Variants in DDX27 observed in about 807,000 individuals in gnomAD.
The protein encoded by DDX27 is DEAD-box helicase 27, also known as probable ATP-dependent RNA helicase DDX27.
Under a neutral mutation model 99.3 loss-of-function variants are expected in DDX27, and 42 were observed. That is an observed-to-expected ratio of 0.42 (90% CI 0.33 to 0.55). The LOEUF (loss-of-function observed/expected upper bound fraction) is 0.55. Ranked by LOEUF, DDX27 falls within the 20% of genes least tolerant of loss-of-function variation. DDX27 has a pLI of 0.07. For synonymous variants in DDX27, 329 were observed against 353.8 expected (o/e 0.93, Z 0.79); for missense variants, 798 against 976.8 (o/e 0.82, Z 2.44).
intron 2 of DDX27, 23 bp from the exon 3 acceptor site, chr20:49,222,934 C>T (rs1219332452): frequency 1.9e-6 from 3 of 1,573,468 alleles, no homozygotes; most frequent in Non-Finnish European, 2.6e-6. Context: ...ATTTCTTTTT[C>T]ACCTCTTTAT....
At chr20:49,228,601 A>G in intron 7 of DDX27, 114 bp from the exon 8 acceptor site, 2 of 1,060,512 alleles carry the variant, frequency 1.9e-6, no homozygotes, top group Non-Finnish European at 2.7e-6. Context: ...TCTATGAAAA[A>G]TAAGTTCCTT....
intron 16 of DDX27, among the ~76,000 whole-genome samples, chr20:49,241,358 A>C (rs553145124): frequency 4.6e-5 from 7 of 152,212 alleles, no homozygotes; most frequent in Non-Finnish European, 8.8e-5. Context: ...CTAAATCTTC[A>C]TCCTTCATAG....
At chr20:49,222,538 G>T (rs1979727468) in intron 2 of DDX27, among the ~76,000 whole-genome samples, 1 of 151,622 alleles carries the variant, frequency 6.6e-6, no homozygotes, top group Non-Finnish European at 1.5e-5. Flanking sequence ...TTTTGAGACG[G>T]AGTTTTGCTC....
At chr20:49,234,798 T>G in intron 11 of DDX27, 137 bp from the exon 12 acceptor site, 8 of 1,016,940 alleles carry the variant, frequency 7.9e-6, no homozygotes, top group Middle Eastern at 3.0e-4. Context: ...CACCCTGGAA[T>G]TTGAGTTCCA....
chr20:49,242,798 T>C, intron 19 of DDX27, 117 bp downstream of exon 19: 1 of 961,344 alleles, frequency 1.0e-6, no homozygotes, highest in Non-Finnish European at 1.6e-6. Context: ...CTTAGCTCAC[T>C]GCAAGCTCCA....
chr20:49,241,856 A>G, intron 16 of DDX27, 37 bp from the exon 17 acceptor site: 1 of 1,602,534 alleles, frequency 6.2e-7, no homozygotes, highest in Non-Finnish European at 8.5e-7. Flanking sequence ...AAAAGATAAA[A>G]TCATCCCTGA....
At chr20:49,243,469 G>A (rs1980548021) in intron 19 of DDX27, among the ~76,000 whole-genome samples, 160 bp from the exon 20 acceptor site, 2 of 152,132 alleles carry the variant, frequency 1.3e-5, no homozygotes, top group Admixed American at 6.6e-5. Context: ...CCAGAAACAC[G>A]TTATCAGGTG....
Position 49,225,125 on chromosome 20 carries a change from T to C in DDX27, c.526T>C (p.Phe176Leu). Reference protein sequence around the residue: ...KKKKGQEAGGFFEDASQYDEN... With the variant: ...KKKKGQEAGGLFEDASQYDEN... ...TTTTCTGGTGTAGGAAGCAGGAGGATTTTTTGAAGATGCATCTCAGTACGA... is the reference window on the plus strand; with the variant it reads ...TTTTCTGGTGTAGGAAGCAGGAGGACTTTTTGAAGATGCATCTCAGTACGA... Residue 176 changes from phenylalanine to leucine, a missense_variant, in exon 6 of 21, where the codon TTT (phenylalanine) becomes CTT (leucine). By Grantham distance (22) the Phe-to-Leu change is conservative. Transcript: ENST00000618172. The C allele has an allele frequency of 6.2e-7, 1 of 1,613,986 alleles. No homozygotes were observed. The highest frequency in any genetic ancestry group is 8.5e-7 in the Non-Finnish European group (1 of 1,179,868).
chr20:49,242,509 A>C (rs1159837748), intron 18 of DDX27, 85 bp from the exon 19 acceptor site: 10 of 1,337,090 alleles, frequency 7.5e-6, no homozygotes, highest in Non-Finnish European at 1.1e-5. Flanking sequence ...TATCCACTGA[A>C]CTTGGAATCA....
chr20:49,238,898 C>T, intron 14 of DDX27, 51 bp from the exon 15 acceptor site: 1 of 1,393,244 alleles, frequency 7.2e-7, no homozygotes, highest in South Asian at 1.2e-5. Context: ...TGTGAGCCAC[C>T]ATGCCTGGCC....
rs144620109 is a variant in DDX27, at chr20:49,231,786, C to T, written c.1031+1437C>T. ...AGCGTGAATGCAGGGCACAGCTGTG[C>T]CCAGCAGCGCTGTCCCCATGAGGAT... On this transcript the variant is annotated intron_variant, in intron 9 of 20. Coordinates refer to ENST00000618172, the MANE Select transcript of DDX27 (RefSeq NM_017895.8). Among the ~76,000 whole-genome samples the T allele has an allele frequency of 1.5e-3, 236 of 152,272 alleles. 1 individual carries two copies. Among genetic ancestry groups the T allele is most frequent in the South Asian group, 2.5e-3 (12 of 4,824 alleles).
In DDX27 at chr20:49,233,584, C is replaced by T. The variant is rs149835466; in HGVS notation, c.1148C>T (p.Ser383Phe). The T allele has an allele frequency of 1.1e-4, 177 of 1,613,270 alleles. No homozygotes were observed. In the African/African-American group the frequency reaches 2.2e-3, roughly 20 times the overall value. The change falls in exon 11 of 21, where the codon TCT becomes TTT. Residue 383 changes from serine to phenylalanine, a missense_variant. By Grantham distance (155) the Ser-to-Phe change is radical. Transcript: ENST00000618172. Reference protein sequence around the residue: ...TMTDEVKDLASVSLKNPVRIF... With the variant: ...TMTDEVKDLAFVSLKNPVRIF... ...GCTTGGCAGGTGAAAGATCTGGCTT[C>T]TGTCTCCTTGAAGAATCCTGTCCGG...
intron 6 of DDX27, among the ~76,000 whole-genome samples, chr20:49,225,519 A>C (rs1454728025): frequency 1.4e-5 from 2 of 140,098 alleles, no homozygotes; most frequent in African/African-American, 5.4e-5. Flanking sequence ...GCAGTGGCAC[A>C]ATCTCGGCTC....
rs143225093 is a variant in DDX27, at chr20:49,244,032, ATATGAC to A, written c.*202_*207del. The A allele has an allele frequency of 8.4e-3, 5,268 of 627,090 alleles. 208 individuals are homozygous for A. In the African/African-American group the frequency reaches 0.087, roughly 10 times the overall value. 38.8% of individuals were successfully genotyped at this position (627,090 alleles called of 1,614,324 possible). A position where few individuals can be genotyped will look rare whatever the true frequency, so the allele number is the denominator to read the frequency against. On this transcript the variant is annotated 3_prime_UTR_variant, in exon 21 of 21. Transcript: ENST00000618172. ...TCTCCCTTCTTGCTGATTAGCTTTC[ATATGAC>A]TATATTAAATGGAAGTATTTTTGGG...
intron 17 of DDX27, 36 bp from the exon 18 acceptor site, chr20:49,242,047 G>A: frequency 1.2e-6 from 2 of 1,614,172 alleles, no homozygotes; most frequent in Non-Finnish European, 1.7e-6. Flanking sequence ...GAGTGGCCTG[G>A]TGTGTTCCAC....
chr20:49,234,915 C>T lies in DDX27; in HGVS notation c.1274-20C>T. 6.4e-7 allele frequency: 1 copy of T among 1,570,634 alleles called. No homozygotes were observed. The highest frequency in any genetic ancestry group is 1.2e-5 in the South Asian group (1 of 85,392). ...AAGAGCCTAGAAACAGCTGCCAGCT[C>T]AGTCCTCTCTTCCTGCCAGCTTTGT... On this transcript the variant is annotated intron_variant, in intron 11 of 20. Transcript: ENST00000618172.
chr20:49,233,728 C>G lies in DDX27; in HGVS notation c.1273+19C>G. On this transcript the variant is annotated intron_variant, in intron 11 of 20. Transcript: ENST00000618172. ...GTGGCAGGTGGCAGCACAGGGCAAG[C>G]CTGGGCAGGGTGGGCTGGTCAGCTT... 6.2e-7 allele frequency: 1 copy of G among 1,607,412 alleles called. No homozygotes were observed. The highest frequency in any genetic ancestry group is 8.5e-7 in the Non-Finnish European group (1 of 1,175,372).
Position 49,228,746 on chromosome 20 carries a change from G to T in DDX27, c.738G>T (p.Leu246Phe). The T allele has an allele frequency of 6.2e-7, 1 of 1,611,536 alleles. No homozygotes were observed. Among genetic ancestry groups the T allele is most frequent in the Non-Finnish European group, 8.5e-7 (1 of 1,178,378 alleles). Residue 246 changes from leucine to phenylalanine, a missense_variant, in exon 8 of 21, where the codon TTG becomes TTT. By Grantham distance (22) the Leu-to-Phe change is conservative. Transcript: ENST00000618172. ...GKTAAFALPV[L>F]ERLIYKPRQA... ...CTGCCGCCTTTGCCCTGCCTGTTTT[G>T]GAGCGTCTGATTTATAAACCCCGCC... is the stretch of plus-strand genomic sequence containing the variant.
At position 49,236,732 on chromosome 20, in the gene DDX27, T is replaced by C. The variant is rs1013494992; in HGVS notation, c.1687+222T>C. Among the ~76,000 whole-genome samples, 6 of 152,176 alleles carry C rather than the reference T, an allele frequency of 3.9e-5. No individual in the cohort carries two copies. Among genetic ancestry groups the C allele is most frequent in the Non-Finnish European group, 5.9e-5 (4 of 68,002 alleles). On this transcript the variant is annotated intron_variant, in intron 14 of 20. Transcript: ENST00000618172. The surrounding 1 kb of genome is among the most constrained non-coding windows in gnomAD (Gnocchi z 4.1). ...ACAGAATTGTAAACACAGTGCCCCA[T>C]TTAGGTGGAAATTGAGAAGAGAAGG... is the stretch of plus-strand genomic sequence containing the variant.
Sources: gnomAD v4.1 joint callset for allele counts (sites outside exome capture counted in the v4.1 genomes callset) on GRCh38, gnomAD v4.1.1 for gene constraint, Gnocchi (gnomAD v3.1) non-coding constraint, MANE v1.5 for transcripts, NCBI Gene and HGNC (gene_info 2026-07-23, HGNC 2026-07-21) for gene names.